The following IL23R variants were observed in gnomAD, a reference collection of about 807,000 sequenced individuals.
The protein encoded by IL23R is interleukin 23 receptor, also known as interleukin-23 receptor.
Under a neutral mutation model 56.9 loss-of-function variants are expected in IL23R, and 34 were observed. The ratio of observed to expected loss-of-function variants is 0.60; its 90% CI spans 0.45 to 0.80. IL23R has a LOEUF of 0.80. Ranked by LOEUF, IL23R falls within the 30% of genes least tolerant of loss-of-function variation. The probability of loss-of-function intolerance (pLI) is 0.00; values close to 1 mark genes in which losing one functional copy is unlikely to be tolerated. For synonymous variants in IL23R, 230 were observed against 249.2 expected, an observed-to-expected ratio of 0.92 and a Z score of 0.73; for missense variants, 635 against 730.0, an observed-to-expected ratio of 0.87 and a Z score of 1.50.
intron 1 of IL23R, among the ~76,000 whole-genome samples, chr1:67,144,757 G>A (rs554254134): frequency 6.6e-6 from 1 of 151,354 alleles, no homozygotes; most frequent in African/African-American, 2.4e-5. Context: ...TCTCCCTTCA[G>A]ATTTCTATCT....
At position 67,259,366 on chromosome 1, in the gene IL23R, T is replaced by C. The variant is rs1415938888; in HGVS notation, c.*238T>C. 3.9e-6 allele frequency: 2 copies of C among 510,808 alleles called. No individual in the cohort carries two copies. Among genetic ancestry groups the C allele is most frequent in the Non-Finnish European group, 7.1e-6 (2 of 282,946 alleles). 31.6% of individuals were successfully genotyped at this position (510,808 alleles called of 1,614,324 possible). A position where few individuals can be genotyped will look rare whatever the true frequency, so the allele number is the denominator to read the frequency against. Reference sequence around the variant, plus strand: ...TGTTTCCAGAGTAGTGACATTTCTGTGCTCCTACCATCACCATGTAAGAAT... The same window carrying C: ...TGTTTCCAGAGTAGTGACATTTCTGCGCTCCTACCATCACCATGTAAGAAT... On this transcript the variant is annotated 3_prime_UTR_variant, in exon 11 of 11. Coordinates refer to ENST00000347310, the MANE Select transcript of IL23R (RefSeq NM_144701.3).
intron 9 of IL23R, among the ~76,000 whole-genome samples, chr1:67,247,663 T>A (rs113935720): frequency 6.6e-6 from 1 of 152,172 alleles, no homozygotes; most frequent in Non-Finnish European, 1.5e-5. Flanking sequence ...GTCATTATGA[T>A]GTTAGCTGGT....
chr1:67,260,227 C>A (rs529428702), downstream of IL23R, among the ~76,000 whole-genome samples: 39 of 152,116 alleles, frequency 2.6e-4, no homozygotes, highest in African/African-American at 9.4e-4. Context: ...TGTGTGGAAT[C>A]ATGGGTTGCT....
intron 3 of IL23R, among the ~76,000 whole-genome samples, chr1:67,176,468 C>A (rs1647010406): frequency 6.6e-6 from 1 of 151,760 alleles, no homozygotes; most frequent in Non-Finnish European, 1.5e-5. Flanking sequence ...TCTTCCATTA[C>A]AAATTTATTA....
intron 1 of IL23R, among the ~76,000 whole-genome samples, chr1:67,150,756 A>T (rs1336196005): frequency 6.6e-6 from 1 of 151,924 alleles, no homozygotes; most frequent in Non-Finnish European, 1.5e-5. Flanking sequence ...ATCAAGCTGG[A>T]TATAGAAATT....
chr1:67,159,729 C>T (rs576118323), intron 1 of IL23R, among the ~76,000 whole-genome samples: 12 of 152,240 alleles, frequency 7.9e-5, no homozygotes, highest in Admixed American at 7.8e-4. Context: ...GTGATAGATG[C>T]TACATAAACA....
Position 67,259,583 on chromosome 1 carries a change from T to C in IL23R, c.*455T>C, listed in dbSNP as rs1008987515. 1 of 207,354 alleles carries C rather than the reference T, an allele frequency of 4.8e-6. No homozygotes were observed. Among genetic ancestry groups the C allele is most frequent in the Admixed American group, 5.3e-5 (1 of 18,812 alleles). The allele number at this position is 207,354 out of a possible 1,614,324, so 12.8% of individuals were successfully genotyped here. A position where few individuals can be genotyped will look rare whatever the true frequency, so the allele number is the denominator to read the frequency against. ...CTCTTTATTTTCCCTCATTGAAAGATGCAAAACAGCTCTCTATTGTGTACA... is the reference window on the plus strand; with the variant it reads ...CTCTTTATTTTCCCTCATTGAAAGACGCAAAACAGCTCTCTATTGTGTACA... On this transcript the variant is annotated 3_prime_UTR_variant, in exon 11 of 11. Transcript: ENST00000347310.
At chr1:67,237,031 A>T (rs751046585) in intron 8 of IL23R, among the ~76,000 whole-genome samples, 2 of 152,010 alleles carry the variant, frequency 1.3e-5, no homozygotes, top group Non-Finnish European at 2.9e-5. Flanking sequence ...TACATTTTTT[A>T]AAATTTTTAT....
At position 67,181,897 on chromosome 1, in the gene IL23R, A is replaced by G. The variant is rs1348625413; in HGVS notation, c.368-939A>G. On this transcript the variant is annotated intron_variant, in intron 3 of 10. Coordinates refer to ENST00000347310, the MANE Select transcript of IL23R (RefSeq NM_144701.3). ...GTCTGTTGGAGTTTGCTGGAGGTCC[A>G]TTCCAGCCCTGTTTGCCTGGGTATC... Among the ~76,000 whole-genome samples, 3 of 152,204 alleles carry G rather than the reference A, an allele frequency of 2.0e-5. No homozygotes were observed. The East Asian group carries it at 5.8e-4, about 29-fold the overall frequency.
At chr1:67,234,856 T>C (rs1651363237) in intron 7 of IL23R, among the ~76,000 whole-genome samples, 2 of 151,742 alleles carry the variant, frequency 1.3e-5, no homozygotes, top group South Asian at 4.2e-4. Context: ...TATAGGCACC[T>C]GCCACCATGC....
chr1:67,207,150 T>C (rs1050669027), intron 6 of IL23R, 95 bp downstream of exon 6: 4 of 1,283,772 alleles, frequency 3.1e-6, no homozygotes, highest in African/African-American at 1.5e-5. Context: ...CTATTTTACA[T>C]GTTTTTAATC....
chr1:67,176,983 T>C (rs1647019026), intron 3 of IL23R, among the ~76,000 whole-genome samples: 1 of 152,268 alleles, frequency 6.6e-6, no homozygotes, highest in African/African-American at 2.4e-5. Context: ...TTCCATGCTA[T>C]ATATGTGCCA....
intron 1 of IL23R, among the ~76,000 whole-genome samples, chr1:67,166,814 G>A (rs1195725880): frequency 6.6e-6 from 1 of 151,964 alleles, no homozygotes; most frequent in Non-Finnish European, 1.5e-5. Context: ...TAATGAAAGG[G>A]ATCCCTATAT....
At chr1:67,245,721 T>C (rs142446932) in intron 9 of IL23R, among the ~76,000 whole-genome samples, 3,999 of 152,310 alleles carry the variant, frequency 0.026, 185 homozygotes, top group African/African-American at 0.091. Flanking sequence ...CAGTATTTTA[T>C]TGAGGATTTT....
intron 1 of IL23R, among the ~76,000 whole-genome samples, chr1:67,160,736 C>G (rs570558074): frequency 6.6e-6 from 1 of 152,078 alleles, no homozygotes; most frequent in Non-Finnish European, 1.5e-5. Context: ...GGCTGGAGTG[C>G]AGTGGCATGA....
chr1:67,195,147 C>A (rs1648038822), intron 4 of IL23R, among the ~76,000 whole-genome samples: 1 of 152,186 alleles, frequency 6.6e-6, no homozygotes, highest in Non-Finnish European at 1.5e-5. Flanking sequence ...TCAGGCAATC[C>A]TCAGCTTCCT....
rs564706917 is a variant in IL23R, at chr1:67,193,368, T to C, written c.492-7369T>C. Among the ~76,000 whole-genome samples, 6 of 152,356 alleles carry C rather than the reference T, an allele frequency of 3.9e-5. No homozygotes were observed. The East Asian group carries it at 9.6e-4, about 24-fold the overall frequency. On this transcript the variant is annotated intron_variant, in intron 4 of 10. Coordinates refer to ENST00000347310, the MANE Select transcript of IL23R (RefSeq NM_144701.3). ...CACCAAAATGTGTGCTTCATGACAG[T>C]TGGGACTTTATCTGTTTTGTTCATT...
intron 9 of IL23R, among the ~76,000 whole-genome samples, chr1:67,254,257 C>T (rs182191368): frequency 2.9e-3 from 436 of 151,986 alleles, no homozygotes; most frequent in Middle Eastern, 6.8e-3. Flanking sequence ...TTGGTGGAGA[C>T]GGGATTTCAC....
At chr1:67,190,275 T>TG (rs1261903474) in intron 4 of IL23R, among the ~76,000 whole-genome samples, 1 of 152,164 alleles carries the variant, frequency 6.6e-6, no homozygotes, top group East Asian at 1.9e-4. Context: ...CTCCTCATGT[T>TG]GGGGTGAAGT....
Sources: gnomAD v4.1 joint callset for allele counts (sites outside exome capture counted in the v4.1 genomes callset) on GRCh38, gnomAD v4.1.1 for gene constraint, MANE v1.5 for transcripts, NCBI Gene and HGNC (gene_info 2026-07-23, HGNC 2026-07-21) for gene names.